YTHDC2: variants seen among roughly 807,000 people sequenced by gnomAD.
YTHDC2 encodes YTH N6-methyladenosine RNA binding protein C2.
YTHDC2 carries 45 observed loss-of-function variants against 174.9 expected under a neutral mutation model. The observed-to-expected ratio is 0.26, with a 90% CI of 0.20 to 0.33. The LOEUF is 0.33. Ranked by LOEUF, YTHDC2 falls within the 10% of genes least tolerant of loss-of-function variation. The pLI is 1.00. For missense variants in YTHDC2, 1,650 were observed against 1,723.7 expected, an observed-to-expected ratio of 0.96 and a Z score of 0.76; for synonymous variants, 657 against 574.5, an observed-to-expected ratio of 1.14 and a Z score of -2.05.
At chr5:113,556,306 T>C (rs1776606382) in intron 17 of YTHDC2, 172 bp downstream of exon 17, 4 of 420,406 alleles carry the variant, frequency 9.5e-6, no homozygotes, top group Non-Finnish European at 1.7e-5. Flanking sequence ...AAAAGTTGAA[T>C]GTAGGTTATG....
At chr5:113,593,218 T>TAA (rs1378506490) in intron 28 of YTHDC2, 85 bp from the exon 29 acceptor site, 2 of 895,472 alleles carry the variant, frequency 2.2e-6, no homozygotes, top group Admixed American at 4.3e-5. Flanking sequence ...GTGATTTTCT[T>TAA]ACATTTTTAT....
At chr5:113,583,730 C>T (rs1778526165) in intron 25 of YTHDC2, 1 of 152,418 alleles carries the variant, frequency 6.6e-6, no homozygotes, top group African/African-American at 2.4e-5. Context: ...AATCTGCCCG[C>T]CTCGGCTTCC....
rs146976313 is a variant in YTHDC2, at chr5:113,570,570, T to G, written c.3244+2721T>G. ...TTATCAGCTTAAGAAGCTTTTGGAC[T>G]GAGATAATGGGTTTTCTAGATGTAG... On this transcript the variant is annotated intron_variant, in intron 23 of 29. Coordinates refer to ENST00000161863, the MANE Select transcript of YTHDC2 (RefSeq NM_022828.5). Among the ~76,000 whole-genome samples the G allele has an allele frequency of 4.6e-5, 7 of 152,302 alleles. No individual in the cohort carries two copies. The East Asian group carries it at 1.4e-3, about 29-fold the overall frequency.
At position 113,567,833 on chromosome 5, in the gene YTHDC2, A is replaced by G. The variant is rs770423670; in HGVS notation, c.3228A>G (p.Glu1076=). 1 of 1,555,210 alleles carries G rather than the reference A, an allele frequency of 6.4e-7. No homozygotes were observed. The highest frequency in any genetic ancestry group is 8.7e-7 in the Non-Finnish European group (1 of 1,151,652). The change falls in exon 23 of 30, where the codon GAA becomes GAG. Residue 1076 remains glutamate (E), a synonymous_variant. Coordinates refer to ENST00000161863, the MANE Select transcript of YTHDC2 (RefSeq NM_022828.5). ...GATTGGCAAGTAATGCTCTTCAGGA[A>G]CCTTCATCCTTTAGAGGTAAATGTA... ...PARLASNALQ[E]PSSFRVDGIP... is the part of the protein sequence containing the mutation.
At chr5:113,518,574 T>C (rs1580467782) in intron 2 of YTHDC2, among the ~76,000 whole-genome samples, 1 of 98,004 alleles carries the variant, frequency 1.0e-5, no homozygotes. Context: ...TGTGTGTGTG[T>C]GTGTGTGTGT....
In YTHDC2 at chr5:113,591,317, A is replaced by C; in HGVS notation, c.4029+73A>C. 4 of 1,495,218 alleles carry C rather than the reference A, an allele frequency of 2.7e-6. No homozygotes were observed. In the South Asian group the frequency reaches 3.6e-5, roughly 13 times the overall value. The allele number at this position is 1,495,218 out of a possible 1,614,324, so 92.6% of individuals were successfully genotyped here. A position where few individuals can be genotyped will look rare whatever the true frequency, so the allele number is the denominator to read the frequency against. On this transcript the variant is annotated intron_variant, in intron 27 of 29. Transcript: ENST00000161863. ...AAATCATAGAGATTTTTAGAAAAACAACTGGCTTTTCATTGCATCAGAATG... is the reference window on the plus strand; with the variant it reads ...AAATCATAGAGATTTTTAGAAAAACCACTGGCTTTTCATTGCATCAGAATG...
At chr5:113,562,951 TC>T (rs1777089456) in intron 18 of YTHDC2, among the ~76,000 whole-genome samples, 1 of 152,214 alleles carries the variant, frequency 6.6e-6, no homozygotes, top group Admixed American at 6.5e-5. Flanking sequence ...AATGGACACT[TC>T]CTTCTGTCCC....
chr5:113,549,054 C>T (rs199591082), intron 12 of YTHDC2, 34 bp downstream of exon 12: 22 of 1,552,798 alleles, frequency 1.4e-5, no homozygotes, highest in East Asian at 1.1e-4. Context: ...TTAATTCTAC[C>T]GTCTCTTAAA....
intron 27 of YTHDC2, 102 bp downstream of exon 27, chr5:113,591,346 G>C (rs745559374): frequency 1.0e-5 from 12 of 1,182,776 alleles, no homozygotes; most frequent in Non-Finnish European, 1.5e-5. Flanking sequence ...CAGAATGCAA[G>C]AATGCCTTTT....
At chr5:113,526,822 AAAAAATATAT>A (rs771262881) in intron 4 of YTHDC2, 37 bp downstream of exon 4, 136 of 351,948 alleles carry the variant, frequency 3.9e-4, no homozygotes, top group East Asian at 2.3e-3. Context: ...AAAAAAAAAA[AAAAAATATAT>A]ATATATATAT....
chr5:113,553,174 TTTTCA>T lies in YTHDC2; in HGVS notation c.1689-6_1689-2del. The T allele has an allele frequency of 7.1e-7, 1 of 1,403,346 alleles. No individual in the cohort carries two copies. 86.9% of individuals were successfully genotyped at this position (1,403,346 alleles called of 1,614,324 possible). A position where few individuals can be genotyped will look rare whatever the true frequency, so the allele number is the denominator to read the frequency against. On this transcript the variant is annotated splice_acceptor_variant and splice_polypyrimidine_tract_variant and intron_variant, in intron 12 of 29. Transcript: ENST00000161863. LOFTEE classifies it high-confidence loss of function. ...GACTTTGTCTTTTTTTTTTTTTTTT[TTTTCA>T]GTGCTACACTGGAATTTGGAAATCT...
chr5:113,568,084 A>T (rs1157320182), intron 23 of YTHDC2, among the ~76,000 whole-genome samples: 1 of 152,016 alleles, frequency 6.6e-6, no homozygotes, highest in Non-Finnish European at 1.5e-5. Flanking sequence ...TGCTGTTGGG[A>T]AGAAATTTTT....
intron 11 of YTHDC2, 140 bp from the exon 12 acceptor site, chr5:113,548,815 A>G: frequency 8.7e-7 from 1 of 1,148,734 alleles, no homozygotes; most frequent in Non-Finnish European, 1.2e-6. Flanking sequence ...ATTTTGAATG[A>G]CTTGTTTTTT....
In YTHDC2 at chr5:113,534,350, G is replaced by T. The variant is rs775710068; in HGVS notation, c.888G>T (p.Leu296Phe). Reference protein sequence around the residue: ...TLLTFCTNGVLLRTLMAGDST... With the variant: ...TLLTFCTNGVFLRTLMAGDST... Reference sequence around the variant, plus strand: ...TGACATTTTGTACTAATGGGGTATTGCTTCGTACATTGATGGCAGGAGATA... The same window carrying T: ...TGACATTTTGTACTAATGGGGTATTTCTTCGTACATTGATGGCAGGAGATA... The change falls in exon 6 of 30, where the codon TTG becomes TTT. Residue 296 changes from leucine (L) to phenylalanine (F), a missense_variant. Physicochemically the swap from Leu to Phe is conservative, Grantham distance 22 (BLOSUM62 0). Coordinates refer to ENST00000161863, the MANE Select transcript of YTHDC2 (RefSeq NM_022828.5). 1 of 1,612,872 alleles carries T rather than the reference G, an allele frequency of 6.2e-7. No individual in the cohort carries two copies. The highest frequency in any genetic ancestry group is 8.5e-7 in the Non-Finnish European group (1 of 1,179,228).
intron 27 of YTHDC2, 117 bp downstream of exon 27, chr5:113,591,361 G>A (rs1484964837): frequency 3.9e-6 from 4 of 1,026,950 alleles, no homozygotes; most frequent in Non-Finnish European, 5.8e-6. Flanking sequence ...CCTTTTGCTT[G>A]ACTGAGAATA....
At chr5:113,567,554 C>T (rs1223714746) in intron 22 of YTHDC2, 100 bp from the exon 23 acceptor site, 3 of 1,060,626 alleles carry the variant, frequency 2.8e-6, no homozygotes, top group Non-Finnish European at 4.0e-6. Context: ...TACTAATATA[C>T]ATCATCTATT....
At chr5:113,526,869 T>C (rs564399327) in intron 4 of YTHDC2, 84 bp downstream of exon 4, 1 of 347,234 alleles carries the variant, frequency 2.9e-6, no homozygotes. Flanking sequence ...TATAATTTTA[T>C]ATCAAATTTA....
chr5:113,554,625 C>T (rs906442123), intron 16 of YTHDC2, among the ~76,000 whole-genome samples: 4 of 151,916 alleles, frequency 2.6e-5, no homozygotes, highest in African/African-American at 7.3e-5. Context: ...TACCTTTTCT[C>T]TATGGTTGCT....
In YTHDC2 at chr5:113,517,532, A is replaced by G. The variant is rs575299154; in HGVS notation, c.278+2170A>G. ...GGAGAATTCAAGAAGGAAGTTATGG[A>G]GACAAAAATGGGGAATGCGGAAACA... On this transcript the variant is annotated intron_variant, in intron 2 of 29. Coordinates refer to ENST00000161863, the MANE Select transcript of YTHDC2 (RefSeq NM_022828.5). The G allele has an allele frequency of 3.1e-4, 143 of 456,162 alleles. 4 individuals are homozygous for G. Among genetic ancestry groups the G allele is most frequent in the South Asian group, 1.6e-3 (106 of 64,568 alleles). 28.3% of individuals were successfully genotyped at this position (456,162 alleles called of 1,614,324 possible).
Sources: gnomAD v4.1 joint callset for allele counts (sites outside exome capture counted in the v4.1 genomes callset) on GRCh38, gnomAD v4.1.1 for gene constraint, MANE v1.5 for transcripts, NCBI Gene and HGNC (gene_info 2026-07-23, HGNC 2026-07-21) for gene names.